VSNL1: variants seen among roughly 807,000 people sequenced by gnomAD.
VSNL1 encodes the protein visinin like 1.
Under a neutral mutation model 20.4 loss-of-function variants are expected in VSNL1, and 6 were observed. The observed-to-expected ratio is 0.29, with a 90% CI of 0.16 to 0.58. The LOEUF (loss-of-function observed/expected upper bound fraction) is 0.58. Among genes scored for constraint, VSNL1 ranks in the 20% least tolerant of loss-of-function variants. The pLI is 0.90. For missense variants in VSNL1, 100 were observed against 234.5 expected (o/e 0.43, Z 3.75); for synonymous variants, 93 against 86.4 (o/e 1.08, Z -0.42).
At position 17,655,106 on chromosome 2, in the gene VSNL1, G is replaced by T; in HGVS notation, c.379-91G>T. ...AGGGAAGCTGAGGCTTGGAGGATGG[G>T]TGGGATCCCGTCAGGTGAAAGGGAG... On this transcript the variant is annotated intron_variant, in intron 3 of 3. Coordinates refer to ENST00000295156, the MANE Select transcript of VSNL1 (RefSeq NM_003385.5). The surrounding 1 kb of genome is among the most constrained non-coding windows in gnomAD (Gnocchi z 5.2). 1 of 1,326,418 alleles carries T rather than the reference G, an allele frequency of 7.5e-7. No homozygotes were observed. Among genetic ancestry groups the T allele is most frequent in the Non-Finnish European group, 1.1e-6 (1 of 945,868 alleles). 82.2% of individuals were successfully genotyped at this position (1,326,418 alleles called of 1,614,324 possible). A position where few individuals can be genotyped will look rare whatever the true frequency, so the allele number is the denominator to read the frequency against.
chr2:17,565,563 A>G (rs535454860), intron 1 of VSNL1, among the ~76,000 whole-genome samples: 44 of 152,300 alleles, frequency 2.9e-4, no homozygotes, highest in Admixed American at 1.5e-3. Context: ...GTACTTTTAG[A>G]TCATGTTTAT....
intron 2 of VSNL1, among the ~76,000 whole-genome samples, chr2:17,613,648 C>T (rs1254908001): frequency 6.6e-6 from 1 of 152,188 alleles, no homozygotes; most frequent in Non-Finnish European, 1.5e-5. Flanking sequence ...CATCATTACG[C>T]CCAGATTTCT....
At position 17,592,116 on chromosome 2, in the gene VSNL1, G is replaced by C. The variant is rs201755586; in HGVS notation, c.42G>C (p.Glu14Asp). The C allele has an allele frequency of 4.3e-6, 7 of 1,613,904 alleles. No homozygotes were observed. The highest frequency in any genetic ancestry group is 5.9e-6 in the Non-Finnish European group (7 of 1,179,822). Residue 14 changes from glutamate (E) to aspartate (D), a missense_variant, in exon 2 of 4, where the codon GAG (glutamate) becomes GAC (aspartate). Transcript: ENST00000295156. Reference sequence around the variant, plus strand: ...GCAAACTGGCCCCTGAAGTGATGGAGGACCTGGTGAAGAGCACAGAGTTTA... The same window carrying C: ...GCAAACTGGCCCCTGAAGTGATGGACGACCTGGTGAAGAGCACAGAGTTTA... ...QNSKLAPEVMEDLVKSTEFNE... is the reference protein window; with the variant it reads ...QNSKLAPEVMDDLVKSTEFNE...
chr2:17,638,458 T>C (rs1238582239), intron 2 of VSNL1, among the ~76,000 whole-genome samples: 4 of 152,170 alleles, frequency 2.6e-5, no homozygotes, highest in Non-Finnish European at 5.9e-5. Context: ...GGGAGCCAAC[T>C]CCCTCGTTGC....
intron 1 of VSNL1, among the ~76,000 whole-genome samples, chr2:17,571,425 G>A (rs1664081031): frequency 6.6e-6 from 1 of 152,152 alleles, no homozygotes; most frequent in African/African-American, 2.4e-5. Flanking sequence ...AGGCAAGGTA[G>A]CTATAGGAAT....
intron 1 of VSNL1, among the ~76,000 whole-genome samples, chr2:17,560,585 C>T (rs1212743763): frequency 6.6e-6 from 1 of 152,164 alleles, no homozygotes. Flanking sequence ...ACAAGTGAAT[C>T]TGAACCCCTA....
Position 17,651,104 on chromosome 2 carries a change from T to A in VSNL1, c.378+1479T>A, listed in dbSNP as rs140886956. 2.4e-3 allele frequency among the ~76,000 whole-genome samples: 368 copies of A among 152,276 alleles called. 1 individual carries two copies. The highest frequency in any genetic ancestry group is 7.2e-3 in the African/African-American group (299 of 41,546). On this transcript the variant is annotated intron_variant, in intron 3 of 3. Coordinates refer to ENST00000295156, the MANE Select transcript of VSNL1 (RefSeq NM_003385.5). ...CTATAAGCTCCCTACAGAGTAGGTTTTTCCAAGTTTTTTCTCCTCTTTGAC... is the reference window on the plus strand; with the variant it reads ...CTATAAGCTCCCTACAGAGTAGGTTATTCCAAGTTTTTTCTCCTCTTTGAC...
intron 2 of VSNL1, among the ~76,000 whole-genome samples, chr2:17,595,146 T>G (rs1396844602): frequency 6.6e-6 from 1 of 152,158 alleles, no homozygotes; most frequent in African/African-American, 2.4e-5. Context: ...GCTTCACTCT[T>G]TAGTCATGAA....
At chr2:17,624,942 G>C (rs1665473441) in intron 2 of VSNL1, among the ~76,000 whole-genome samples, 1 of 152,200 alleles carries the variant, frequency 6.6e-6, no homozygotes, top group African/African-American at 2.4e-5. Flanking sequence ...GATATGGTTT[G>C]GCTCTGTGTC....
chr2:17,609,887 A>G (rs1200359251), intron 2 of VSNL1, among the ~76,000 whole-genome samples: 1 of 152,178 alleles, frequency 6.6e-6, no homozygotes, highest in Non-Finnish European at 1.5e-5. Flanking sequence ...CACTGCCATC[A>G]TCTCTACCCT....
intron 2 of VSNL1, among the ~76,000 whole-genome samples, chr2:17,614,381 C>G (rs1665166629): frequency 1.3e-5 from 2 of 152,364 alleles, no homozygotes; most frequent in South Asian, 4.1e-4. Flanking sequence ...CCAGGCAGTG[C>G]ATCTGACAGC....
chr2:17,542,273 C>T (rs1663301922), intron 1 of VSNL1, among the ~76,000 whole-genome samples: 1 of 152,092 alleles, frequency 6.6e-6, no homozygotes, highest in African/African-American at 2.4e-5. Flanking sequence ...TTTGAATGCA[C>T]TCTCATTAAG....
intron 2 of VSNL1, among the ~76,000 whole-genome samples, chr2:17,594,124 C>T (rs1237618760): frequency 6.6e-6 from 1 of 152,170 alleles, no homozygotes; most frequent in Non-Finnish European, 1.5e-5. Context: ...TGAAAAAGCA[C>T]CAGCCTCAAG....
intron 2 of VSNL1, among the ~76,000 whole-genome samples, chr2:17,604,900 T>G (rs552646050): frequency 1.3e-5 from 2 of 152,332 alleles, no homozygotes; most frequent in East Asian, 3.9e-4. Flanking sequence ...ACTATCATTT[T>G]GGGCTTGGTT....
At chr2:17,648,763 C>A (rs1572223234) in intron 2 of VSNL1, among the ~76,000 whole-genome samples, 1 of 152,334 alleles carries the variant, frequency 6.6e-6, no homozygotes, top group East Asian at 1.9e-4. Context: ...CTCCCACACA[C>A]CCCTGGTGAC....
At chr2:17,623,465 C>A (rs1370787291) in intron 2 of VSNL1, among the ~76,000 whole-genome samples, 1 of 151,824 alleles carries the variant, frequency 6.6e-6, no homozygotes, top group South Asian at 2.1e-4. Flanking sequence ...GTCAGGAGAT[C>A]GAGACCATCC....
intron 1 of VSNL1, among the ~76,000 whole-genome samples, chr2:17,575,664 T>C (rs1283206958): frequency 6.6e-6 from 1 of 151,944 alleles, no homozygotes; most frequent in Non-Finnish European, 1.5e-5. Context: ...GACTCCCGAG[T>C]AGCTGGAATT....
In VSNL1 at chr2:17,631,016, G is replaced by A. The variant is rs548834931; in HGVS notation, c.163-18394G>A. 2.0e-4 allele frequency among the ~76,000 whole-genome samples: 31 copies of A among 152,172 alleles called. 1 individual carries two copies. Among genetic ancestry groups the A allele is most frequent in the Non-Finnish European group, 3.7e-4 (25 of 68,034 alleles). ...AGGCTGATCTCGAACTCTTGACCTC[G>A]TGATCTGCCCGACTTGGCCTCCCAA... On this transcript the variant is annotated intron_variant, in intron 2 of 3. Transcript: ENST00000295156.
intron 2 of VSNL1, among the ~76,000 whole-genome samples, chr2:17,637,818 A>G (rs1302880806): frequency 1.3e-5 from 2 of 152,228 alleles, no homozygotes; most frequent in Non-Finnish European, 1.5e-5. Context: ...AGTGCCTTGC[A>G]CAGCACTGGG....
Sources: allele counts gnomAD v4.1 joint callset (sites outside exome capture counted in the v4.1 genomes callset), GRCh38; gene constraint gnomAD v4.1.1; non-coding constraint Gnocchi (gnomAD v3.1); transcripts MANE v1.5; gene names NCBI Gene and HGNC (gene_info 2026-07-23, HGNC 2026-07-21).